Variants in DERL1 observed in about 807,000 individuals in gnomAD.
DERL1 encodes derlin 1, also known as derlin-1.
DERL1 carries 24 observed loss-of-function variants against 41.6 expected under a neutral mutation model. The ratio of observed to expected loss-of-function variants is 0.58; its 90% CI spans 0.42 to 0.81. DERL1 has a LOEUF of 0.81. Ranked by LOEUF, DERL1 falls within the 30% of genes least tolerant of loss-of-function variation. The probability of loss-of-function intolerance (pLI) is 0.00; values close to 1 mark genes in which losing one functional copy is unlikely to be tolerated. For synonymous variants in DERL1, 124 were observed against 112.5 expected (o/e 1.10, Z -0.65); for missense variants, 260 against 314.3 (o/e 0.83, Z 1.31).
rs572875720 is a variant in DERL1, at chr8:123,040,895, G to A, written c.153+1075C>T. 2.6e-5 allele frequency among the ~76,000 whole-genome samples: 4 copies of A among 152,316 alleles called. No individual in the cohort carries two copies. In the East Asian group the frequency reaches 7.7e-4, roughly 29 times the overall value. ...GTTTTGGACACGTTAAGATGAAGAT[G>A]ACTCTTAGTCATCCAAGTCGTGATT... On this transcript the variant is annotated intron_variant, in intron 1 of 7. Coordinates refer to ENST00000259512, the MANE Select transcript of DERL1 (RefSeq NM_024295.6).
intron 1 of DERL1, among the ~76,000 whole-genome samples, chr8:123,032,022 A>G: frequency 6.6e-6 from 1 of 152,170 alleles, no homozygotes; most frequent in Non-Finnish European, 1.5e-5. Flanking sequence ...TTCATGTATT[A>G]TATATTCACC....
In DERL1 at chr8:123,022,680, G is replaced by A. The variant is rs1398096174; in HGVS notation, c.453+4C>T. Reference sequence around the variant, plus strand: ...AGGACACTTTTCCAACCAAGGCAAAGTACCTTAAATCGTGTTCCAAACCAA... The same window carrying A: ...AGGACACTTTTCCAACCAAGGCAAAATACCTTAAATCGTGTTCCAAACCAA... On this transcript the variant is annotated splice_donor_region_variant and intron_variant, in intron 5 of 7. Coordinates refer to ENST00000259512, the MANE Select transcript of DERL1 (RefSeq NM_024295.6). The A allele has an allele frequency of 3.1e-6, 5 of 1,613,822 alleles. No homozygotes were observed. The highest frequency in any genetic ancestry group is 4.2e-6 in the Non-Finnish European group (5 of 1,179,738).
intron 1 of DERL1, among the ~76,000 whole-genome samples, chr8:123,036,765 T>G (rs2130494676): frequency 6.6e-6 from 1 of 152,310 alleles, no homozygotes; most frequent in Non-Finnish European, 1.5e-5. Context: ...GATATAGAAC[T>G]TCTATGCTCA....
intron 2 of DERL1, chr8:123,030,236 T>C (rs1367400767): frequency 5.9e-6 from 1 of 169,318 alleles, no homozygotes; most frequent in African/African-American, 2.4e-5. Flanking sequence ...CTAGGAGACA[T>C]ATATACTCCA....
chr8:123,040,150 G>C (rs1813014099), intron 1 of DERL1, among the ~76,000 whole-genome samples: 1 of 152,236 alleles, frequency 6.6e-6, no homozygotes, highest in Non-Finnish European at 1.5e-5. Context: ...CCAGGAGACA[G>C]AGGTTGCAGT....
rs550147043 is a variant in DERL1, at chr8:123,034,184, G to A, written c.154-3468C>T. Among the ~76,000 whole-genome samples, 21 of 152,300 alleles carry A rather than the reference G, an allele frequency of 1.4e-4. No homozygotes were observed. In the South Asian group the frequency reaches 3.3e-3, roughly 24 times the overall value. Reference sequence around the variant, plus strand: ...CACGGGGACTGGCCACATACAGACTGGCCAGTTCCATTCTCCAAGTACAGG... The same window carrying A: ...CACGGGGACTGGCCACATACAGACTAGCCAGTTCCATTCTCCAAGTACAGG... On this transcript the variant is annotated intron_variant, in intron 1 of 7. Transcript: ENST00000259512.
chr8:123,028,090 A>T (rs1241344074), intron 2 of DERL1, among the ~76,000 whole-genome samples: 2 of 151,056 alleles, frequency 1.3e-5, no homozygotes, highest in Non-Finnish European at 2.9e-5. Flanking sequence ...AAAAGTGGCC[A>T]TGGAATTATT....
Position 123,018,466 on chromosome 8 carries a change from C to G in DERL1, c.617+729G>C, listed in dbSNP as rs148358897. 109 of 152,314 alleles carry G rather than the reference C, an allele frequency of 7.2e-4. 1 individual carries two copies. The highest frequency in any genetic ancestry group is 2.5e-3 in the African/African-American group (105 of 41,534). 9.4% of individuals were successfully genotyped at this position (152,314 alleles called of 1,614,324 possible). A position where few individuals can be genotyped will look rare whatever the true frequency, so the allele number is the denominator to read the frequency against. ...GCTACTGTGCTTCCCAACAGTGTAT[C>G]TTACCTCATGCAGTCCTGTGAGACA... On this transcript the variant is annotated intron_variant, in intron 7 of 7. Coordinates refer to ENST00000259512, the MANE Select transcript of DERL1 (RefSeq NM_024295.6).
chr8:123,041,946 A>ACC (rs1563638095), intron 1 of DERL1, 24 bp downstream of exon 1: 1 of 1,586,742 alleles, frequency 6.3e-7, no homozygotes, highest in South Asian at 1.1e-5. Context: ...TGTAGTCTCC[A>ACC]CGCCCCCCGT....
intron 2 of DERL1, among the ~76,000 whole-genome samples, chr8:123,026,718 T>C (rs781523331): frequency 6.6e-6 from 1 of 152,162 alleles, no homozygotes; most frequent in Non-Finnish European, 1.5e-5. Flanking sequence ...AATAGAATGA[T>C]CTCAAAAGTT....
At chr8:123,023,397 A>C (rs926278345) in intron 4 of DERL1, among the ~76,000 whole-genome samples, 4 of 152,120 alleles carry the variant, frequency 2.6e-5, no homozygotes, top group Non-Finnish European at 4.4e-5. Flanking sequence ...TCTACTAAAA[A>C]TACAAAAATT....
intron 1 of DERL1, among the ~76,000 whole-genome samples, chr8:123,040,588 C>A (rs951422399): frequency 6.6e-6 from 1 of 152,104 alleles, no homozygotes; most frequent in Non-Finnish European, 1.5e-5. Context: ...GGATTCTGGA[C>A]AGAGGAAAGA....
At chr8:123,019,089 G>A (rs1014898177) in intron 7 of DERL1, 106 bp downstream of exon 7, 1 of 777,642 alleles carries the variant, frequency 1.3e-6, no homozygotes, top group Non-Finnish European at 2.2e-6. Flanking sequence ...GGTTTCTCCA[G>A]CAGATGGGGC....
intron 1 of DERL1, among the ~76,000 whole-genome samples, chr8:123,031,406 G>C (rs962692762): frequency 6.6e-6 from 1 of 152,048 alleles, no homozygotes; most frequent in Non-Finnish European, 1.5e-5. Flanking sequence ...TTAGCCAGGT[G>C]AGGTGGCGGG....
intron 1 of DERL1, among the ~76,000 whole-genome samples, chr8:123,039,812 G>A (rs959801487): frequency 4.6e-5 from 7 of 152,166 alleles, no homozygotes; most frequent in African/African-American, 1.2e-4. Flanking sequence ...CACCTACTAC[G>A]TCCCAGGCAC....
In DERL1 at chr8:123,015,002, G is replaced by A. The variant is rs1385223523; in HGVS notation, c.*445C>T. On this transcript the variant is annotated 3_prime_UTR_variant, in exon 8 of 8. Coordinates refer to ENST00000259512, the MANE Select transcript of DERL1 (RefSeq NM_024295.6). ...TAAATAACAGAACCTGTCAAGGGCAGAGCAATTTTATGGGCAACCTCTTCT... is the reference window on the plus strand; with the variant it reads ...TAAATAACAGAACCTGTCAAGGGCAAAGCAATTTTATGGGCAACCTCTTCT... The A allele has an allele frequency of 6.5e-6, 1 of 153,546 alleles. No individual in the cohort carries two copies. The highest frequency in any genetic ancestry group is 1.9e-4 in the East Asian group (1 of 5,230). 9.5% of individuals were successfully genotyped at this position (153,546 alleles called of 1,614,324 possible).
Position 123,015,349 on chromosome 8 carries a change from G to A in DERL1, c.*98C>T, listed in dbSNP as rs1811956675. On this transcript the variant is annotated 3_prime_UTR_variant, in exon 8 of 8. Coordinates refer to ENST00000259512, the MANE Select transcript of DERL1 (RefSeq NM_024295.6). ...TACTGAAAGACTACATTCAGTGTGG[G>A]TCAGGTCCAACAGTGTTAGCCAGAA... is the stretch of plus-strand genomic sequence containing the variant. 6.9e-7 allele frequency: 1 copy of A among 1,443,378 alleles called. No homozygotes were observed. Among genetic ancestry groups the A allele is most frequent in the Non-Finnish European group, 9.3e-7 (1 of 1,076,632 alleles). 89.4% of individuals were successfully genotyped at this position (1,443,378 alleles called of 1,614,324 possible).
In DERL1 at chr8:123,030,622, G is replaced by A; in HGVS notation, c.248C>T (p.Ser83Phe). 3.1e-6 allele frequency: 5 copies of A among 1,603,108 alleles called. No individual in the cohort carries two copies. The highest frequency in any genetic ancestry group is 4.3e-6 in the Non-Finnish European group (5 of 1,173,934). The change falls in exon 2 of 8, where the codon TCT (serine) becomes TTT (phenylalanine). Residue 83 changes from serine to phenylalanine, a missense_variant. By Grantham distance (155) the Ser-to-Phe change is radical. Transcript: ENST00000259512. ...TAACATACCTGTTTCAAGTCGCGTA[G>A]AATACTGATATAAGAAATATAAATT... ...LVNLYFLYQYSTRLETGAFDG... is the reference protein window; with the variant it reads ...LVNLYFLYQYFTRLETGAFDG...
chr8:123,030,727 C>A lies in DERL1; in HGVS notation c.154-11G>T, dbSNP rs1325560488. The A allele has an allele frequency of 1.3e-6, 2 of 1,559,216 alleles. No homozygotes were observed. The highest frequency in any genetic ancestry group is 3.4e-5 in the Admixed American group (2 of 58,648). On this transcript the variant is annotated splice_polypyrimidine_tract_variant and intron_variant, in intron 1 of 7. Transcript: ENST00000259512. ...GATTGGCCTCCAAATCTGTCCAGAT[C>A]AAAATAAACACAGCTGTTAGTTTCT...
Sources: allele counts gnomAD v4.1 joint callset (sites outside exome capture counted in the v4.1 genomes callset), GRCh38; gene constraint gnomAD v4.1.1; transcripts MANE v1.5; gene names NCBI Gene and HGNC (gene_info 2026-07-23, HGNC 2026-07-21).